The following MGA variants were observed in gnomAD, a reference collection of about 807,000 sequenced individuals.
The protein encoded by MGA is MAX dimerization protein MGA, also known as MAX gene-associated protein.
A neutral mutation model predicts 261.1 loss-of-function variants in MGA; 40 were observed. That is an observed-to-expected ratio of 0.15 (90% CI 0.12 to 0.20). MGA has a LOEUF of 0.20. Ranked by LOEUF, MGA falls within the 10% of genes least tolerant of loss-of-function variation. The pLI, the probability that MGA is intolerant of heterozygous loss-of-function variation, is 1.00. For missense variants in MGA, 3,397 were observed against 3,630.5 expected (o/e 0.94, Z 1.65); for synonymous variants, 1,302 against 1,290.6 (o/e 1.01, Z -0.19).
chr15:41,648,576 T>C (rs1404698209), intron 1 of MGA, among the ~76,000 whole-genome samples: 1 of 152,134 alleles, frequency 6.6e-6, no homozygotes, highest in Non-Finnish European at 1.5e-5. Flanking sequence ...ACTGGTAGGA[T>C]GTATAGGTGT....
At chr15:41,674,810 G>T (rs1345577563) in intron 2 of MGA, among the ~76,000 whole-genome samples, 4 of 152,190 alleles carry the variant, frequency 2.6e-5, no homozygotes, top group African/African-American at 9.7e-5. Flanking sequence ...GAGCCACGGC[G>T]CCCGGCCAAT....
At chr15:41,662,704 T>G (rs987472507) in intron 1 of MGA, among the ~76,000 whole-genome samples, 10 of 152,228 alleles carry the variant, frequency 6.6e-5, no homozygotes, top group African/African-American at 2.2e-4. Flanking sequence ...AAACTTAAAA[T>G]TTCTTGACCC....
chr15:41,760,735 ATT>A (rs68054586), intron 20 of MGA, among the ~76,000 whole-genome samples: 39 of 148,204 alleles, frequency 2.6e-4, no homozygotes, highest in Admixed American at 4.0e-4. Context: ...TGAAAGTCAG[ATT>A]TTTTTTTTTT....
At chr15:41,748,319 G>A (rs191981553) in intron 15 of MGA, among the ~76,000 whole-genome samples, 218 of 152,174 alleles carry the variant, frequency 1.4e-3, no homozygotes, top group African/African-American at 5.1e-3. Flanking sequence ...TTGGGAGGCC[G>A]AGAACGGCAG....
At position 41,760,408 on chromosome 15, in the gene MGA, G is replaced by A. The variant is rs745427225; in HGVS notation, c.7277G>A (p.Arg2426Gln). The A allele has an allele frequency of 4.3e-6, 7 of 1,613,838 alleles. No individual in the cohort carries two copies. The highest frequency in any genetic ancestry group is 2.7e-5 in the African/African-American group (2 of 74,896). ...GCAGAAGCGTTTGCTTATTATCGCC[G>A]GACACACACTGCCAATGAGCGGCGG... The change falls in exon 20 of 24, where the codon CGG (arginine) becomes CAG (glutamine). Residue 2426 changes from arginine to glutamine, a missense_variant. By Grantham distance (43) the Arg-to-Gln change is conservative. This residue lies in a region of MGA where 50 missense variants were observed against 121.5 expected (regional missense o/e 0.41). Transcript: ENST00000219905.
At chr15:41,718,295 G>A (rs2060750439) in intron 9 of MGA, 2 of 219,092 alleles carry the variant, frequency 9.1e-6, no homozygotes. Context: ...TAGTGTGTGT[G>A]TGTGTGTATA....
At chr15:41,718,851 T>C (rs2060794561) in intron 9 of MGA, among the ~76,000 whole-genome samples, 1 of 152,204 alleles carries the variant, frequency 6.6e-6, no homozygotes, top group African/African-American at 2.4e-5. Flanking sequence ...AGACTGGGAA[T>C]GAGGAAGAAT....
chr15:41,684,012 G>A (rs1471450683), intron 2 of MGA, among the ~76,000 whole-genome samples: 9 of 152,084 alleles, frequency 5.9e-5, no homozygotes, highest in East Asian at 1.9e-4. Flanking sequence ...CCAGTTTTAC[G>A]GAAGGCGTTA....
intron 2 of MGA, among the ~76,000 whole-genome samples, chr15:41,685,832 C>G (rs994485534): frequency 6.6e-6 from 1 of 151,798 alleles, no homozygotes; most frequent in Non-Finnish European, 1.5e-5. Flanking sequence ...GAAACCCCGT[C>G]TCTACTAAAA....
At position 41,761,722 on chromosome 15, in the gene MGA, C is replaced by T. The variant is rs2063471234; in HGVS notation, c.7399-17C>T. 6.8e-7 allele frequency: 1 copy of T among 1,469,682 alleles called. No homozygotes were observed. The highest frequency in any genetic ancestry group is 9.4e-7 in the Non-Finnish European group (1 of 1,068,716). 91.0% of individuals were successfully genotyped at this position (1,469,682 alleles called of 1,614,324 possible). ...AGAGTGGATCAATTTTCAATAATAC[C>T]ACTATTTGTATTCTAGGCCTTCAGT... On this transcript the variant is annotated splice_polypyrimidine_tract_variant and intron_variant, in intron 20 of 23. Transcript: ENST00000219905.
chr15:41,670,517 T>C (rs919028910), intron 2 of MGA, among the ~76,000 whole-genome samples: 20 of 152,084 alleles, frequency 1.3e-4, no homozygotes, highest in African/African-American at 4.8e-4. Flanking sequence ...AGCATACTAT[T>C]TTTTTTGAGA....
At chr15:41,712,469 C>T (rs933062095) in intron 8 of MGA, among the ~76,000 whole-genome samples, 13 of 152,252 alleles carry the variant, frequency 8.5e-5, no homozygotes, top group African/African-American at 1.9e-4. Flanking sequence ...CTGCCTGCCT[C>T]GGCCTCCCAA....
At chr15:41,700,675 C>T (rs72724136) in intron 5 of MGA, among the ~76,000 whole-genome samples, 160 of 152,154 alleles carry the variant, frequency 1.1e-3, no homozygotes, top group Non-Finnish European at 1.9e-3. Flanking sequence ...AAAAACATAT[C>T]TACTATGGTT....
At chr15:41,687,709 A>T (rs987135243) in intron 2 of MGA, among the ~76,000 whole-genome samples, 1 of 152,232 alleles carries the variant, frequency 6.6e-6, no homozygotes, top group Non-Finnish European at 1.5e-5. Context: ...TTTGGAAATT[A>T]TCAAGGGTTT....
At chr15:41,756,390 C>T (rs976423497) in intron 18 of MGA, among the ~76,000 whole-genome samples, 2 of 152,134 alleles carry the variant, frequency 1.3e-5, no homozygotes, top group Admixed American at 6.5e-5. Context: ...ACCCATAAGA[C>T]TTCAAAAGTG....
Position 41,768,326 on chromosome 15 carries a change from C to T in MGA, c.*1046C>T, listed in dbSNP as rs1238780126. On this transcript the variant is annotated 3_prime_UTR_variant, in exon 24 of 24. Coordinates refer to ENST00000219905, the MANE Select transcript of MGA (RefSeq NM_001164273.2). Reference sequence around the variant, plus strand: ...TATCTGCAACCATGGATCCAATGATCTGTAGAGCTTTTTCACTCATTAACT... The same window carrying T: ...TATCTGCAACCATGGATCCAATGATTTGTAGAGCTTTTTCACTCATTAACT... 1 of 152,628 alleles carries T rather than the reference C, an allele frequency of 6.6e-6. No individual in the cohort carries two copies. Among genetic ancestry groups the T allele is most frequent in the Non-Finnish European group, 1.5e-5 (1 of 68,032 alleles). 9.5% of individuals were successfully genotyped at this position (152,628 alleles called of 1,614,324 possible).
intron 9 of MGA, among the ~76,000 whole-genome samples, chr15:41,716,800 A>G (rs2060661250): frequency 6.6e-6 from 1 of 152,170 alleles, no homozygotes; most frequent in African/African-American, 2.4e-5. Context: ...ATTCTTTAGC[A>G]CAGTTTTTTG....
chr15:41,695,566 A>G (rs1316396349), intron 2 of MGA, among the ~76,000 whole-genome samples: 2 of 152,200 alleles, frequency 1.3e-5, no homozygotes, highest in African/African-American at 2.4e-5. Flanking sequence ...AGGAGGGGGA[A>G]ACTAGATGTT....
chr15:41,710,914 T>G lies in MGA; in HGVS notation c.2649T>G (p.Ser883=). 1 of 1,613,978 alleles carries G rather than the reference T, an allele frequency of 6.2e-7. No homozygotes were observed. The stretch of plus-strand genomic sequence containing the variant: ...AATCTACTATTTCCCCTTCTACCTC[T>G]TATTCTTTGAAACCTCATTCTGTAC... The change falls in exon 8 of 24, where the codon TCT becomes TCG. Residue 883 remains serine (S), a synonymous_variant. Coordinates refer to ENST00000219905, the MANE Select transcript of MGA (RefSeq NM_001164273.2).
Sources: gnomAD v4.1 joint callset for allele counts (sites outside exome capture counted in the v4.1 genomes callset) on GRCh38, gnomAD v4.1.1 for gene constraint, gnomAD v4.1.1 regional missense constraint, MANE v1.5 for transcripts, NCBI Gene and HGNC (gene_info 2026-07-23, HGNC 2026-07-21) for gene names.